The following TNRC18 variants were observed in gnomAD, a reference collection of about 807,000 sequenced individuals.
TNRC18 encodes the protein trinucleotide repeat containing 18.
In TNRC18, 69 loss-of-function variants were observed where a neutral mutation model predicts 226.7. The observed-to-expected ratio is 0.30, with a 90% CI of 0.25 to 0.37. The LOEUF is 0.37. TNRC18 is among the 10% of genes least tolerant of loss of function. The pLI is 1.00. For missense variants in TNRC18, 4,754 were observed against 4,256.6 expected (o/e 1.12, Z -3.25); for synonymous variants, 2,449 against 1,927.6 (o/e 1.27, Z -7.09).
At chr7:5,379,842 C>A (rs1339967706) in intron 5 of TNRC18, among the ~76,000 whole-genome samples, 1 of 152,222 alleles carries the variant, frequency 6.6e-6, no homozygotes, top group African/African-American at 2.4e-5. Flanking sequence ...TGGGGCCGGC[C>A]TTCCCAGGGC....
At chr7:5,383,817 G>A (rs189056648) in intron 5 of TNRC18, among the ~76,000 whole-genome samples, 93 of 152,052 alleles carry the variant, frequency 6.1e-4, no homozygotes, top group African/African-American at 2.1e-3. Flanking sequence ...TTTAGAGACC[G>A]GGTCTCACTC....
Position 5,395,448 on chromosome 7 carries a change from G to A in TNRC18, c.188-853C>T, listed in dbSNP as rs545654992. 4.6e-5 allele frequency among the ~76,000 whole-genome samples: 7 copies of A among 152,320 alleles called. No individual in the cohort carries two copies. The East Asian group carries it at 1.2e-3, about 25-fold the overall frequency. ...CACAGCCAGCCCCGCCATGCCCCAC[G>A]TGGCCAGGCCCACATCGGACAGGGT... On this transcript the variant is annotated intron_variant, in intron 2 of 29. Transcript: ENST00000430969.
chr7:5,344,768 G>A (rs998664378), intron 18 of TNRC18, among the ~76,000 whole-genome samples: 1 of 152,264 alleles, frequency 6.6e-6, no homozygotes, highest in Admixed American at 6.5e-5. Context: ...CTCCATCTCC[G>A]GCACTGACCC....
chr7:5,377,531 G>A lies in TNRC18; in HGVS notation c.2301C>T (p.Ser767=), dbSNP rs1290212302. ...LADLARLHPT[S]CAPNGLNPNL... is the part of the protein sequence containing the mutation. ...TGGGGTTCAGGCCGTTAGGAGCACA[G>A]CTGGTAGGGTGCAGGCGGGCCAGGT... Residue 767 remains serine (S), a synonymous_variant, in exon 7 of 30, where the codon AGC becomes AGT. Transcript: ENST00000430969. This position sits in a 1 kb window ranked among gnomAD's most constrained non-coding sequence, Gnocchi z 5.8. 1.3e-6 allele frequency: 2 copies of A among 1,591,326 alleles called. No individual in the cohort carries two copies. Among genetic ancestry groups the A allele is most frequent in the African/African-American group, 1.3e-5 (1 of 74,526 alleles).
chr7:5,408,795 C>A (rs1781651858), intron 2 of TNRC18, among the ~76,000 whole-genome samples: 3 of 152,064 alleles, frequency 2.0e-5, no homozygotes, highest in Admixed American at 6.6e-5. Context: ...ATCCAGAGAC[C>A]CTAGTACCTG....
At chr7:5,397,980 T>G (rs1780811124) in intron 2 of TNRC18, among the ~76,000 whole-genome samples, 2 of 152,142 alleles carry the variant, frequency 1.3e-5, no homozygotes, top group Non-Finnish European at 2.9e-5. Flanking sequence ...TATTTGGGAT[T>G]ACCCAATTGC....
chr7:5,361,864 G>A (rs906484823), intron 13 of TNRC18, 33 bp downstream of exon 13: 3 of 1,521,576 alleles, frequency 2.0e-6, no homozygotes, highest in South Asian at 2.5e-5. Flanking sequence ...GCCGGGGCAG[G>A]GGCCCCACGG....
At chr7:5,364,086 T>C (rs1301706000) in intron 11 of TNRC18, among the ~76,000 whole-genome samples, 1 of 151,988 alleles carries the variant, frequency 6.6e-6, no homozygotes, top group African/African-American at 2.4e-5. Flanking sequence ...TAATTTGAGG[T>C]GAGCAGTTTT....
chr7:5,390,595 G>T lies in TNRC18; in HGVS notation c.377C>A (p.Ser126Tyr). 6.2e-7 allele frequency: 1 copy of T among 1,611,130 alleles called. No homozygotes were observed. The highest frequency in any genetic ancestry group is 8.5e-7 in the Non-Finnish European group (1 of 1,178,716). The stretch of plus-strand genomic sequence containing the variant: ...CTCCAGGTGGTTCAGGTGGAGGTAG[G>T]ATGGGTACAGCCCACTGGGCAGGTG... ...FSHLPSGLYPSYLHLNHLEPP... is the reference protein window; with the variant it reads ...FSHLPSGLYPYYLHLNHLEPP... The change falls in exon 4 of 30, where the codon TCC (serine) becomes TAC (tyrosine). Residue 126 changes from serine (S) to tyrosine (Y), a missense_variant. Coordinates refer to ENST00000430969, the MANE Select transcript of TNRC18 (RefSeq NM_001080495.3).
At position 5,388,850 on chromosome 7, in the gene TNRC18, A is replaced by G. The variant is rs1184593758; in HGVS notation, c.974T>C (p.Leu325Pro). 2 of 1,259,948 alleles carry G rather than the reference A, an allele frequency of 1.6e-6. No homozygotes were observed. The highest frequency in any genetic ancestry group is 1.6e-5 in the African/African-American group (1 of 61,330). The allele number at this position is 1,259,948 out of a possible 1,614,324, so 78.0% of individuals were successfully genotyped here. The change falls in exon 5 of 30, where the codon CTC (leucine) becomes CCC (proline). Residue 325 changes from leucine (L) to proline (P), a missense_variant. Physicochemically the swap from Leu to Pro is moderately conservative, Grantham distance 98. Coordinates refer to ENST00000430969, the MANE Select transcript of TNRC18 (RefSeq NM_001080495.3). The stretch of plus-strand genomic sequence containing the variant: ...TGAGGGGCAGGGGCGCGGCCCAGGG[A>G]GCAGGGTCTCCGTGCGCCGCAGCAG... ...ARLLRRTETL[L>P]PGPRPCPSPL...
rs943536220 is a variant in TNRC18 at position 5,377,247 on chromosome 7, C to A, written c.2461+124G>T. ...TTATCATTCCTTCTTCCGACGAATGCGGGAGGCAGGCCCAGGCCCCCCAGG... is the reference window on the plus strand; with the variant it reads ...TTATCATTCCTTCTTCCGACGAATGAGGGAGGCAGGCCCAGGCCCCCCAGG... On this transcript the variant is annotated intron_variant, in intron 7 of 29. Coordinates refer to ENST00000430969, the MANE Select transcript of TNRC18 (RefSeq NM_001080495.3). This position sits in a 1 kb window ranked among gnomAD's most constrained non-coding sequence, Gnocchi z 5.8. 8.6e-7 allele frequency: 1 copy of A among 1,159,360 alleles called. No individual in the cohort carries two copies. The highest frequency in any genetic ancestry group is 1.2e-6 in the Non-Finnish European group (1 of 837,704). 71.8% of individuals were successfully genotyped at this position (1,159,360 alleles called of 1,614,324 possible).
rs1562575304 is a variant in TNRC18, at chr7:5,376,111, G to C, written c.2722C>G (p.Leu908Val). The change falls in exon 9 of 30, where the codon CTG becomes GTG. Residue 908 changes from leucine to valine, a missense_variant. Leu to Val is a conservative substitution (Grantham distance 32). Transcript: ENST00000430969. ...QLQLFSQQHF[L>V]RQQEFLYLQQ... ...AGGTACAGGAACTCCTGCTGCCGCA[G>C]GAAGTGCTGCTGTGAGAAGAGCTGC... 6.3e-7 allele frequency: 1 copy of C among 1,592,240 alleles called. No homozygotes were observed.
chr7:5,409,883 C>T (rs1368618661), intron 2 of TNRC18, among the ~76,000 whole-genome samples: 1 of 147,098 alleles, frequency 6.8e-6, no homozygotes, highest in African/African-American at 2.5e-5. Flanking sequence ...CCCAGCTACT[C>T]GGGAGGCTGA....
At chr7:5,319,352 C>T (rs1185671628) in intron 24 of TNRC18, among the ~76,000 whole-genome samples, 5 of 151,872 alleles carry the variant, frequency 3.3e-5, no homozygotes, top group Admixed American at 6.6e-5. Flanking sequence ...TTTTTTTGCA[C>T]GGGCGGGGTT....
intron 16 of TNRC18, among the ~76,000 whole-genome samples, chr7:5,356,500 C>T (rs1260031716): frequency 2.0e-5 from 3 of 152,230 alleles, no homozygotes; most frequent in East Asian, 3.8e-4. Context: ...TAGGGGAGTC[C>T]GGTCACCTCT....
At chr7:5,344,526 G>C (rs1337454170) in intron 18 of TNRC18, among the ~76,000 whole-genome samples, 1 of 152,160 alleles carries the variant, frequency 6.6e-6, no homozygotes, top group Non-Finnish European at 1.5e-5. Context: ...GGGGTTCCAA[G>C]ACACTGGAGG....
At chr7:5,392,628 A>G (rs999772927) in intron 3 of TNRC18, among the ~76,000 whole-genome samples, 3 of 151,820 alleles carry the variant, frequency 2.0e-5, no homozygotes, top group Non-Finnish European at 4.4e-5. Context: ...AAAATAAATA[A>G]ATAAGTAAAA....
At chr7:5,314,415 G>C (rs533840448) in intron 26 of TNRC18, among the ~76,000 whole-genome samples, 2 of 152,228 alleles carry the variant, frequency 1.3e-5, no homozygotes, top group South Asian at 4.1e-4. Flanking sequence ...CAGCCTGCAC[G>C]AAGTATTTTC....
chr7:5,374,169 G>A lies in TNRC18; in HGVS notation c.3115C>T (p.Pro1039Ser). The A allele has an allele frequency of 6.9e-7, 1 of 1,451,980 alleles. No homozygotes were observed. The allele number at this position is 1,451,980 out of a possible 1,614,324, so 89.9% of individuals were successfully genotyped here. Residue 1039 changes from proline (P) to serine (S), a missense_variant, in exon 10 of 30, where the codon CCA becomes TCA. Physicochemically the swap from Pro to Ser is moderately conservative, Grantham distance 74 (BLOSUM62 -1). Coordinates refer to ENST00000430969, the MANE Select transcript of TNRC18 (RefSeq NM_001080495.3). The part of the protein sequence containing the change: ...SHPTSPPPAS[P>S]PPTPGITRKE... ...CGGGTGATACCCGGGGTGGGCGGTG[G>A]GGAGGCGGGCGGCGGGCTGGTGGGG...
Sources: allele counts gnomAD v4.1 joint callset (sites outside exome capture counted in the v4.1 genomes callset), GRCh38; gene constraint gnomAD v4.1.1; non-coding constraint Gnocchi (gnomAD v3.1); transcripts MANE v1.5; gene names NCBI Gene and HGNC (gene_info 2026-07-23, HGNC 2026-07-21).